GUCD1: variants seen among roughly 807,000 people sequenced by gnomAD.
GUCD1 encodes the protein protein GUCD1.
A neutral mutation model predicts 28.3 loss-of-function variants in GUCD1; 17 were observed. That is an observed-to-expected ratio of 0.60 (90% CI 0.41 to 0.90). The LOEUF is 0.90. Ranked by LOEUF, GUCD1 falls within the 40% of genes least tolerant of loss-of-function variation. The probability of loss-of-function intolerance (pLI) is 0.00; values close to 1 mark genes in which losing one functional copy is unlikely to be tolerated. For synonymous variants in GUCD1, 129 were observed against 123.3 expected, an observed-to-expected ratio of 1.05 and a Z score of -0.30; for missense variants, 279 against 305.5, an observed-to-expected ratio of 0.91 and a Z score of 0.65.
At chr22:24,555,736 C>G, upstream of GUCD1, 1 of 1,550,680 alleles carries the variant, frequency 6.4e-7, no homozygotes, top group African/African-American at 1.4e-5. Context: ...TCCAGCCTGT[C>G]CTTGGTGTGG....
At chr22:24,555,444 G>C (rs1270620515), upstream of GUCD1, 2 of 1,143,030 alleles carry the variant, frequency 1.7e-6, no homozygotes, top group South Asian at 1.7e-5. Context: ...GCCGGGTCCC[G>C]CTCTTTTGCC....
rs535143584 is a variant in GUCD1 at position 24,542,743 on chromosome 22, C to G, written c.*263G>C. 4.5e-6 allele frequency: 2 copies of G among 439,618 alleles called. No individual in the cohort carries two copies. 27.2% of individuals were successfully genotyped at this position (439,618 alleles called of 1,614,324 possible). ...CTGTCGGGACTGGACTTCCTGTGGG[C>G]GCAGCTGGAGTCAAGGCTTGGGGTC... is the stretch of plus-strand genomic sequence containing the variant. On this transcript the variant is annotated 3_prime_UTR_variant, in exon 6 of 6. Transcript: ENST00000435822.
rs755096700 is a variant in GUCD1, at chr22:24,546,961, A to T, written c.339T>A (p.Asn113Lys). Residue 113 changes from asparagine (N) to lysine (K), a missense_variant, in exon 4 of 6, where the codon AAT becomes AAA. Asn to Lys is a moderately conservative substitution (Grantham distance 94). Coordinates refer to ENST00000435822, the MANE Select transcript of GUCD1 (RefSeq NM_001284254.2). ...AGGCCTTTGCTTGTGCAAACAGCTG[A>T]TTCACCCGGGTCTCTTCTGTGTCAA... ...KHFDTEETRVNQLFAQAKACK... is the reference protein window; with the variant it reads ...KHFDTEETRVKQLFAQAKACK... 6.2e-7 allele frequency: 1 copy of T among 1,614,134 alleles called. No homozygotes were observed. Among genetic ancestry groups the T allele is most frequent in the Non-Finnish European group, 8.5e-7 (1 of 1,180,030 alleles).
At chr22:24,547,881 G>A in intron 3 of GUCD1, 27 bp downstream of exon 3, 1 of 1,612,384 alleles carries the variant, frequency 6.2e-7, no homozygotes, top group Non-Finnish European at 8.5e-7. Flanking sequence ...GGCCCCACAT[G>A]GGAAGGCCTG....
intron 4 of GUCD1, among the ~76,000 whole-genome samples, chr22:24,544,452 C>G (rs1415641200): frequency 6.6e-6 from 1 of 152,074 alleles, no homozygotes; most frequent in African/African-American, 2.4e-5. Context: ...CCTGTCTCTC[C>G]TCTACCCTAA....
At chr22:24,543,797 G>C (rs1403788192) in intron 5 of GUCD1, 45 bp downstream of exon 5, 11 of 1,601,450 alleles carry the variant, frequency 6.9e-6, no homozygotes, top group Non-Finnish European at 9.4e-6. Flanking sequence ...ATACAGAACA[G>C]TGAATGTGGA....
chr22:24,542,860 G>A lies in GUCD1; in HGVS notation c.*146C>T, dbSNP rs1326922910. 9 of 650,428 alleles carry A rather than the reference G, an allele frequency of 1.4e-5. No individual in the cohort carries two copies. Among genetic ancestry groups the A allele is most frequent in the Admixed American group, 9.5e-5 (4 of 42,268 alleles). 40.3% of individuals were successfully genotyped at this position (650,428 alleles called of 1,614,324 possible). A position where few individuals can be genotyped will look rare whatever the true frequency, so the allele number is the denominator to read the frequency against. On this transcript the variant is annotated 3_prime_UTR_variant, in exon 6 of 6. Coordinates refer to ENST00000435822, the MANE Select transcript of GUCD1 (RefSeq NM_001284254.2). ...AGACAAAGCAGCTGTGCCAGTCTCC[G>A]AGTTCCTGGGACTCTGCCAGATGGG... is the stretch of plus-strand genomic sequence containing the variant.
intron 1 of GUCD1, among the ~76,000 whole-genome samples, chr22:24,551,929 A>G (rs1330208559): frequency 6.6e-6 from 1 of 152,262 alleles, no homozygotes; most frequent in Non-Finnish European, 1.5e-5. Context: ...CCTTTTGTGA[A>G]GTCAGGAGGG....
In GUCD1 at chr22:24,541,270, A is replaced by C. The variant is rs1286182348; in HGVS notation, c.*1736T>G. ...CCCAGAGTCATCTGTGCTCCAAAGC[A>C]ATGGGCGGGGGCACAGCTGCCACCA... On this transcript the variant is annotated 3_prime_UTR_variant, in exon 6 of 6. Coordinates refer to ENST00000435822, the MANE Select transcript of GUCD1 (RefSeq NM_001284254.2). 1.3e-5 allele frequency: 2 copies of C among 152,948 alleles called. No homozygotes were observed. Among genetic ancestry groups the C allele is most frequent in the African/African-American group, 4.8e-5 (2 of 41,480 alleles). 9.5% of individuals were successfully genotyped at this position (152,948 alleles called of 1,614,324 possible). A position where few individuals can be genotyped will look rare whatever the true frequency, so the allele number is the denominator to read the frequency against.
chr22:24,555,147 C>G, upstream of GUCD1: 1 of 1,309,136 alleles, frequency 7.6e-7, no homozygotes, highest in Non-Finnish European at 9.7e-7. Flanking sequence ...CTGGGCCGCC[C>G]CAAGCGCCGC....
intron 1 of GUCD1, among the ~76,000 whole-genome samples, chr22:24,550,554 G>C (rs7292105): frequency 0.23 from 35,141 of 152,072 alleles, 4,931 homozygotes; most frequent in African/African-American, 0.4. Context: ...TGAAAACCTT[G>C]CCCACATTGT....
chr22:24,543,377 G>A (rs1175864729), intron 5 of GUCD1, among the ~76,000 whole-genome samples: 1 of 152,208 alleles, frequency 6.6e-6, no homozygotes. Context: ...TGGTCAGGGC[G>A]TCCAGGGGCT....
chr22:24,555,197 C>G, upstream of GUCD1: 2 of 1,301,136 alleles, frequency 1.5e-6, no homozygotes, highest in Non-Finnish European at 1.9e-6. Flanking sequence ...GCCCCGCCCC[C>G]TCCTTAGGCC....
At chr22:24,555,312 C>A (rs1569021101), upstream of GUCD1, 5 of 1,396,464 alleles carry the variant, frequency 3.6e-6, no homozygotes, top group Non-Finnish European at 4.6e-6. Flanking sequence ...GCCCAATCCT[C>A]GCGCAGACGC....
chr22:24,550,992 T>C (rs2044857609), intron 1 of GUCD1, among the ~76,000 whole-genome samples: 2 of 152,186 alleles, frequency 1.3e-5, no homozygotes, highest in South Asian at 4.1e-4. Flanking sequence ...TTCTACTCCA[T>C]GTGCAGCAGG....
Position 24,555,031 on chromosome 22 carries a change from G to C in GUCD1, c.-40C>G. 7.1e-7 allele frequency: 1 copy of C among 1,408,418 alleles called. No homozygotes were observed. Among genetic ancestry groups the C allele is most frequent in the Non-Finnish European group, 9.3e-7 (1 of 1,079,480 alleles). The allele number at this position is 1,408,418 out of a possible 1,614,324, so 87.2% of individuals were successfully genotyped here. On this transcript the variant is annotated 5_prime_UTR_variant, in exon 1 of 6. Coordinates refer to ENST00000435822, the MANE Select transcript of GUCD1 (RefSeq NM_001284254.2). ...GGGGCGCCCATGGCCCCGGCCCAGA[G>C]CGGGCTACAGCTTCCGCTTCGGCTG... is the stretch of plus-strand genomic sequence containing the variant.
Position 24,542,819 on chromosome 22 carries a change from AACAC to A in GUCD1, c.*183_*186del, listed in dbSNP as rs1044109334. 1.2e-5 allele frequency: 7 copies of A among 564,932 alleles called. No individual in the cohort carries two copies. In the African/African-American group the frequency reaches 1.3e-4, roughly 11 times the overall value. The allele number at this position is 564,932 out of a possible 1,614,324, so 35.0% of individuals were successfully genotyped here. A position where few individuals can be genotyped will look rare whatever the true frequency, so the allele number is the denominator to read the frequency against. ...AGGTGCTTGGGGTGAGTGACATGAC[AACAC>A]ACGGCACTGGCAGACAAAGCAGCTG... On this transcript the variant is annotated 3_prime_UTR_variant, in exon 6 of 6. Coordinates refer to ENST00000435822, the MANE Select transcript of GUCD1 (RefSeq NM_001284254.2).
intron 1 of GUCD1, among the ~76,000 whole-genome samples, chr22:24,551,592 ACT>A (rs1166684631): frequency 1.3e-5 from 2 of 151,008 alleles, no homozygotes; most frequent in African/African-American, 4.9e-5. Context: ...TCTGTCTGAA[ACT>A]CTCTCCCGGC....
intron 1 of GUCD1, among the ~76,000 whole-genome samples, chr22:24,554,171 T>C (rs2044962848): frequency 6.6e-6 from 1 of 152,212 alleles, no homozygotes; most frequent in South Asian, 2.1e-4. Context: ...GCCTGCCTCA[T>C]AGAACACTCC....
Sources: allele counts gnomAD v4.1 joint callset (sites outside exome capture counted in the v4.1 genomes callset), GRCh38; gene constraint gnomAD v4.1.1; transcripts MANE v1.5; gene names NCBI Gene and HGNC (gene_info 2026-07-23, HGNC 2026-07-21).